Variants in CUEDC1 observed in about 807,000 individuals in gnomAD.
CUEDC1 encodes the protein CUE domain containing 1.
In CUEDC1, 30 loss-of-function variants were observed where a neutral mutation model predicts 43.7. The observed-to-expected ratio is 0.69, with a 90% CI of 0.51 to 0.93. The LOEUF (loss-of-function observed/expected upper bound fraction) is 0.93. CUEDC1 is among the 40% of genes least tolerant of loss of function. CUEDC1 has a pLI of 0.00. For synonymous variants in CUEDC1, 223 were observed against 223.6 expected (o/e 1.00, Z 0.02); for missense variants, 486 against 549.0 (o/e 0.89, Z 1.15).
At chr17:57,935,470 C>T (rs1432551065) in intron 1 of CUEDC1, among the ~76,000 whole-genome samples, 1 of 151,924 alleles carries the variant, frequency 6.6e-6, no homozygotes, top group East Asian at 1.9e-4. Context: ...CTCTTCTTTT[C>T]ATTCTCCAGA....
intron 1 of CUEDC1, among the ~76,000 whole-genome samples, chr17:57,940,447 A>G (rs1357465791): frequency 6.6e-6 from 1 of 152,160 alleles, no homozygotes; most frequent in Non-Finnish European, 1.5e-5. Context: ...TGTGAATGGA[A>G]GTAACAGGTG....
At chr17:57,908,879 C>T (rs931077893) in intron 1 of CUEDC1, among the ~76,000 whole-genome samples, 1 of 152,146 alleles carries the variant, frequency 6.6e-6, no homozygotes, top group Non-Finnish European at 1.5e-5. Context: ...CACCTCTATT[C>T]CCAGCTACTC....
rs56137797 is a variant in CUEDC1, at chr17:57,932,281, C to CAAAAAAAAAAAAAAAAAA, written c.-316+22926_-316+22943dup. On this transcript the variant is annotated intron_variant, in intron 1 of 10. Coordinates refer to ENST00000577830, the MANE Select transcript of CUEDC1 (RefSeq NM_001271875.2). ...TGGGCAACAAAGTGACACTGTGTCT[C>CAAAAAAAAAAAAAAAAAA]AAAAAAAAAAAAAAAAAAAAAAGGC... Among the ~76,000 whole-genome samples, 469 of 121,644 alleles carry CAAAAAAAAAAAAAAAAAA rather than the reference C, an allele frequency of 3.9e-3. 27 individuals are homozygous for CAAAAAAAAAAAAAAAAAA. Among genetic ancestry groups the CAAAAAAAAAAAAAAAAAA allele is most frequent in the African/African-American group, 8.2e-3 (183 of 22,426 alleles). The allele number at this position is 121,644 out of a possible 152,430, so 79.8% of individuals were successfully genotyped here.
At chr17:57,911,233 C>T (rs1567714622) in intron 1 of CUEDC1, among the ~76,000 whole-genome samples, 2 of 152,196 alleles carry the variant, frequency 1.3e-5, no homozygotes, top group Non-Finnish European at 2.9e-5. Context: ...GATGCTGGCA[C>T]CACTGGTCCA....
intron 1 of CUEDC1, among the ~76,000 whole-genome samples, chr17:57,947,569 C>T (rs770437096): frequency 6.6e-6 from 1 of 152,112 alleles, no homozygotes; most frequent in African/African-American, 2.4e-5. Flanking sequence ...GAGGCTAAGG[C>T]GAGTGGATCT....
chr17:57,904,058 G>A (rs113271512), intron 1 of CUEDC1, among the ~76,000 whole-genome samples: 48 of 152,164 alleles, frequency 3.2e-4, no homozygotes, highest in African/African-American at 1.1e-3. Flanking sequence ...CAGAGGGAAG[G>A]ATGGGACTCT....
At chr17:57,911,492 C>CTCTTTTT (rs915293461) in intron 1 of CUEDC1, among the ~76,000 whole-genome samples, 2 of 152,228 alleles carry the variant, frequency 1.3e-5, no homozygotes, top group South Asian at 4.2e-4. Context: ...CCTACCAGCT[C>CTCTTTTT]TCTTTTTTCT....
At chr17:57,917,082 A>C (rs1297177343) in intron 1 of CUEDC1, among the ~76,000 whole-genome samples, 7 of 152,250 alleles carry the variant, frequency 4.6e-5, no homozygotes, top group Admixed American at 2.6e-4. Context: ...TAGGGAGGAC[A>C]TGGGAACCTG....
At chr17:57,866,207 G>T (rs1216200452) in intron 10 of CUEDC1, among the ~76,000 whole-genome samples, 1 of 152,336 alleles carries the variant, frequency 6.6e-6, no homozygotes, top group African/African-American at 2.4e-5. Context: ...CAAGGTCAAA[G>T]CTGATTTTGT....
chr17:57,864,027 GAAAA>G (rs1209728280), intron 10 of CUEDC1, among the ~76,000 whole-genome samples: 1 of 147,496 alleles, frequency 6.8e-6, no homozygotes, highest in African/African-American at 2.5e-5. Flanking sequence ...AGAAAGAAAA[GAAAA>G]AGAAAAAAAA....
intron 1 of CUEDC1, among the ~76,000 whole-genome samples, chr17:57,923,563 C>T (rs1299394997): frequency 1.3e-5 from 2 of 152,206 alleles, no homozygotes; most frequent in Non-Finnish European, 2.9e-5. Flanking sequence ...CATGGCCTGC[C>T]TTGGCTGGAT....
rs1353648075 is a variant in CUEDC1, at chr17:57,872,707, T to C, written c.740A>G (p.Lys247Arg). Residue 247 changes from lysine to arginine, a missense_variant, in exon 5 of 11, where the codon AAG becomes AGG. Lys to Arg is a conservative substitution (Grantham distance 26). Coordinates refer to ENST00000577830, the MANE Select transcript of CUEDC1 (RefSeq NM_001271875.2). The stretch of plus-strand genomic sequence containing the variant: ...GAAGTCGCGGTTCCGTTGCAGCTCC[T>C]TCATGAACTCCTCGTTCTGCAGGAA... ...ALFLQNEEFM[K>R]ELQRNRDFLL... is the part of the protein sequence containing the mutation. The C allele has an allele frequency of 6.2e-7, 1 of 1,614,186 alleles. No homozygotes were observed.
chr17:57,874,685 A>G (rs1184848400), intron 3 of CUEDC1, among the ~76,000 whole-genome samples: 2 of 152,128 alleles, frequency 1.3e-5, no homozygotes, highest in Non-Finnish European at 2.9e-5. Flanking sequence ...CGGCACACTG[A>G]GAAGGCAGCC....
Position 57,916,656 on chromosome 17 carries a change from GC to G in CUEDC1, c.-315-30778del, listed in dbSNP as rs564720391. ...AGTGGATCTAGAAGCCACACTGGGAGCCCTTTCAGGCCACAGAGAGGAGGCC... is the reference window on the plus strand; with the variant it reads ...AGTGGATCTAGAAGCCACACTGGGAGCCTTTCAGGCCACAGAGAGGAGGCC... On this transcript the variant is annotated intron_variant, in intron 1 of 10. Coordinates refer to ENST00000577830, the MANE Select transcript of CUEDC1 (RefSeq NM_001271875.2). Among the ~76,000 whole-genome samples the G allele has an allele frequency of 2.1e-3, 314 of 152,292 alleles. 2 individuals carry two copies. The highest frequency in any genetic ancestry group is 7.2e-3 in the African/African-American group (300 of 41,552).
chr17:57,932,231 G>A (rs992460744), intron 1 of CUEDC1, among the ~76,000 whole-genome samples: 1 of 148,042 alleles, frequency 6.8e-6, no homozygotes, highest in African/African-American at 2.6e-5. Context: ...GCAGTGAGCC[G>A]AGATCGCGCG....
chr17:57,864,296 G>A (rs931847196), intron 10 of CUEDC1, among the ~76,000 whole-genome samples: 1 of 151,416 alleles, frequency 6.6e-6, no homozygotes, highest in Non-Finnish European at 1.5e-5. Flanking sequence ...GCCTAACTGC[G>A]ATGGAGATTC....
At chr17:57,876,969 C>T (rs1242589360) in intron 3 of CUEDC1, among the ~76,000 whole-genome samples, 1 of 152,164 alleles carries the variant, frequency 6.6e-6, no homozygotes, top group Non-Finnish European at 1.5e-5. Context: ...AAACGAAGCT[C>T]AGAGAGGTTA....
rs1442424175 is a variant in CUEDC1, at chr17:57,955,218, G to C, written c.-316+7C>G. ...GGGCGGGAGCCGCGGGAGCGCGGGG[G>C]TCTTACCGGGCAGCGCCACGCGCGT... On this transcript the variant is annotated splice_region_variant and intron_variant, in intron 1 of 10. Transcript: ENST00000577830. This position sits in a 1 kb window ranked among gnomAD's most constrained non-coding sequence, Gnocchi z 5.3. 4 of 145,430 alleles carry C rather than the reference G, an allele frequency of 2.8e-5. No homozygotes were observed. Among genetic ancestry groups the C allele is most frequent in the Non-Finnish European group, 6.1e-5 (4 of 65,186 alleles). The allele number at this position is 145,430 out of a possible 1,614,324, so 9.0% of individuals were successfully genotyped here.
intron 1 of CUEDC1, among the ~76,000 whole-genome samples, chr17:57,899,553 C>A (rs2145000954): frequency 6.6e-6 from 1 of 152,292 alleles, no homozygotes; most frequent in South Asian, 2.1e-4. Context: ...CCAGTGCTCT[C>A]TCCTTGTATG....
Sources: allele counts gnomAD v4.1 joint callset (sites outside exome capture counted in the v4.1 genomes callset), GRCh38; gene constraint gnomAD v4.1.1; non-coding constraint Gnocchi (gnomAD v3.1); transcripts MANE v1.5; gene names NCBI Gene and HGNC (gene_info 2026-07-23, HGNC 2026-07-21).